IFT43: variants seen among roughly 807,000 people sequenced by gnomAD.
IFT43 encodes intraflagellar transport protein 43 homolog.
In IFT43, 33 loss-of-function variants were observed where a neutral mutation model predicts 32.3. The ratio of observed to expected loss-of-function variants is 1.02; its 90% CI spans 0.77 to 1.37. The LOEUF (loss-of-function observed/expected upper bound fraction) is 1.37. IFT43 is among the 40% of genes most tolerant of loss of function. The pLI is 0.00. For synonymous variants in IFT43, 93 were observed against 98.2 expected, an observed-to-expected ratio of 0.95 and a Z score of 0.31; for missense variants, 274 against 265.9, an observed-to-expected ratio of 1.03 and a Z score of -0.21.
intron 3 of IFT43, among the ~76,000 whole-genome samples, chr14:76,033,250 G>A (rs2036540162): frequency 6.6e-6 from 1 of 152,186 alleles, no homozygotes; most frequent in Non-Finnish European, 1.5e-5. Flanking sequence ...GGATGGAACA[G>A]TATTTGGAAG....
chr14:76,039,234 G>A (rs2036661100), intron 3 of IFT43, among the ~76,000 whole-genome samples: 1 of 151,976 alleles, frequency 6.6e-6, no homozygotes, highest in South Asian at 2.1e-4. Context: ...CTGAGCTCAA[G>A]CTGTCCTCCG....
intron 2 of IFT43, among the ~76,000 whole-genome samples, chr14:75,998,201 T>C (rs1428407879): frequency 6.6e-6 from 1 of 152,224 alleles, no homozygotes; most frequent in Non-Finnish European, 1.5e-5. Context: ...CAGAAATGGC[T>C]CTTCTCCTCC....
At chr14:76,036,408 CTTTTTTTTTTT>C (rs3086747) in intron 3 of IFT43, among the ~76,000 whole-genome samples, 4 of 119,750 alleles carry the variant, frequency 3.3e-5, no homozygotes, top group Admixed American at 9.0e-5. Context: ...TTCTGTCTTT[CTTTTTTTTTTT>C]TTTTTTGGTG....
intron 5 of IFT43, among the ~76,000 whole-genome samples, chr14:76,075,012 G>T (rs371860729): frequency 6.6e-6 from 1 of 152,200 alleles, no homozygotes; most frequent in Non-Finnish European, 1.5e-5. Context: ...GTTTGGAGGA[G>T]CATGGAGGCA....
intron 5 of IFT43, among the ~76,000 whole-genome samples, chr14:76,073,512 C>T (rs1307070847): frequency 6.6e-6 from 1 of 152,112 alleles, no homozygotes; most frequent in African/African-American, 2.4e-5. Flanking sequence ...ACTTCATGGC[C>T]AAGTGACGCG....
chr14:76,032,045 A>G (rs1242493427), intron 3 of IFT43, among the ~76,000 whole-genome samples: 1 of 152,124 alleles, frequency 6.6e-6, no homozygotes, highest in African/African-American at 2.4e-5. Context: ...TTAGTCTTCT[A>G]ATTTCAACCC....
chr14:75,989,108 A>G (rs911629485), intron 2 of IFT43, 131 bp downstream of exon 2: 1 of 1,177,340 alleles, frequency 8.5e-7, no homozygotes, highest in Non-Finnish European at 1.2e-6. Context: ...TGATTTGGGA[A>G]TTCCCTTCCT....
chr14:76,059,919 G>A (rs1319095379), intron 5 of IFT43, among the ~76,000 whole-genome samples: 1 of 152,238 alleles, frequency 6.6e-6, no homozygotes, highest in Admixed American at 6.5e-5. Context: ...AGTACAGTTA[G>A]GATGTACTGT....
chr14:76,071,140 G>T (rs1355415367), intron 5 of IFT43, among the ~76,000 whole-genome samples: 2 of 152,124 alleles, frequency 1.3e-5, no homozygotes, highest in Non-Finnish European at 1.5e-5. Flanking sequence ...TGGGAACGGG[G>T]GCCGGGTGAG....
At chr14:76,047,184 A>G (rs1333180829) in intron 3 of IFT43, among the ~76,000 whole-genome samples, 2 of 152,182 alleles carry the variant, frequency 1.3e-5, no homozygotes, top group Non-Finnish European at 2.9e-5. Flanking sequence ...TATTCAAACC[A>G]TAGCACCCTC....
intron 3 of IFT43, among the ~76,000 whole-genome samples, chr14:76,035,852 T>A (rs954972786): frequency 1.3e-5 from 2 of 152,232 alleles, no homozygotes; most frequent in Non-Finnish European, 2.9e-5. Flanking sequence ...GCCCCTAGGC[T>A]GGTCACCTGT....
chr14:76,082,238 A>C (rs1455669403), intron 5 of IFT43, 57 bp from the exon 6 acceptor site: 1 of 1,497,690 alleles, frequency 6.7e-7, no homozygotes, highest in Non-Finnish European at 9.3e-7. Context: ...GAAGTGGAGA[A>C]GCAGGCACAA....
chr14:76,016,178 T>C (rs2036184719), intron 2 of IFT43, among the ~76,000 whole-genome samples: 1 of 152,224 alleles, frequency 6.6e-6, no homozygotes, highest in Non-Finnish European at 1.5e-5. Context: ...TAGTAGTTTT[T>C]ATACTGTCAG....
chr14:76,056,692 A>AG (rs1203824063), intron 3 of IFT43, among the ~76,000 whole-genome samples: 43 of 151,894 alleles, frequency 2.8e-4, no homozygotes, highest in African/African-American at 1.0e-3. Context: ...AAGCACATCT[A>AG]CCCTTGGTGA....
chr14:76,034,044 T>A (rs1328531150), intron 3 of IFT43, among the ~76,000 whole-genome samples: 1 of 152,204 alleles, frequency 6.6e-6, no homozygotes, highest in Non-Finnish European at 1.5e-5. Flanking sequence ...ATTGTCAGTC[T>A]AGTTACAGCA....
At position 76,082,382 on chromosome 14, in the gene IFT43, A is replaced by G. The variant is rs1566740272; in HGVS notation, c.368+15A>G. 2 of 1,520,044 alleles carry G rather than the reference A, an allele frequency of 1.3e-6. No homozygotes were observed. The highest frequency in any genetic ancestry group is 9.1e-7 in the Non-Finnish European group (1 of 1,094,138). The allele number at this position is 1,520,044 out of a possible 1,614,324, so 94.2% of individuals were successfully genotyped here. On this transcript the variant is annotated intron_variant, in intron 6 of 8. Coordinates refer to ENST00000314067, the MANE Select transcript of IFT43 (RefSeq NM_001102564.3). Reference sequence around the variant, plus strand: ...GCCCCTCCCAGGTAGGTTAAATCAGATATGATTGGGGAGGCAAAGAACACG... The same window carrying G: ...GCCCCTCCCAGGTAGGTTAAATCAGGTATGATTGGGGAGGCAAAGAACACG...
intron 2 of IFT43, chr14:76,014,131 C>T (rs769283666): frequency 1.2e-4 from 32 of 274,574 alleles, no homozygotes; most frequent in South Asian, 6.4e-4. Context: ...TGAGGAAAAG[C>T]GACCCATGGA....
chr14:75,991,107 A>G (rs1344284473), intron 2 of IFT43, among the ~76,000 whole-genome samples: 1 of 152,184 alleles, frequency 6.6e-6, no homozygotes, highest in Non-Finnish European at 1.5e-5. Context: ...TGGGAAGCCA[A>G]GGCAGGAGGA....
intron 3 of IFT43, 104 bp from the exon 4 acceptor site, chr14:76,058,538 G>T: frequency 7.4e-7 from 1 of 1,347,136 alleles, no homozygotes. Context: ...AAGCACTTGA[G>T]ATATACTAAT....
Sources: gnomAD v4.1 joint callset for allele counts (sites outside exome capture counted in the v4.1 genomes callset) on GRCh38, gnomAD v4.1.1 for gene constraint, MANE v1.5 for transcripts, NCBI Gene and HGNC (gene_info 2026-07-23, HGNC 2026-07-21) for gene names.